The following GABRB2 variants were observed in gnomAD, a reference collection of about 807,000 sequenced individuals.
GABRB2 encodes the protein gamma-aminobutyric acid receptor subunit beta-2.
Under a neutral mutation model 54.7 loss-of-function variants are expected in GABRB2, and 16 were observed. The observed-to-expected ratio is 0.29, with a 90% CI of 0.20 to 0.44. The LOEUF (loss-of-function observed/expected upper bound fraction) is 0.44. GABRB2 is among the 20% of genes least tolerant of loss of function. The pLI is 1.00. For missense variants in GABRB2, 355 were observed against 644.0 expected (o/e 0.55, Z 4.86); for synonymous variants, 244 against 233.8 (o/e 1.04, Z -0.40).
rs148763924 is a variant in GABRB2, at chr5:161,386,921, C to T, written c.541+24054G>A. 3.6e-4 allele frequency among the ~76,000 whole-genome samples: 55 copies of T among 151,726 alleles called. No homozygotes were observed. The East Asian group carries it at 9.9e-3, about 27-fold the overall frequency. ...AGGCAAGAAGACTAGCTGACTTGACCGCGTAAAAATGTATAGTGTACTTGG... is the reference window on the plus strand; with the variant it reads ...AGGCAAGAAGACTAGCTGACTTGACTGCGTAAAAATGTATAGTGTACTTGG... On this transcript the variant is annotated intron_variant, in intron 5 of 9. Transcript: ENST00000393959.
chr5:161,492,314 C>T (rs979980095), intron 3 of GABRB2, among the ~76,000 whole-genome samples: 1 of 151,618 alleles, frequency 6.6e-6, no homozygotes, highest in Non-Finnish European at 1.5e-5. Flanking sequence ...TTTATCTAAT[C>T]ACATTGAATC....
At position 161,546,189 on chromosome 5, in the gene GABRB2, T is replaced by TGGTA. The variant is rs1561689511; in HGVS notation, c.169+132_169+133insTACC. 8.6e-6 allele frequency: 6 copies of TGGTA among 697,200 alleles called. No homozygotes were observed. The African/African-American group carries it at 1.1e-4, about 12-fold the overall frequency. The allele number at this position is 697,200 out of a possible 1,614,324, so 43.2% of individuals were successfully genotyped here. On this transcript the variant is annotated intron_variant, in intron 2 of 9. Coordinates refer to ENST00000393959, the MANE Select transcript of GABRB2 (RefSeq NM_001371727.1). ...TCCAGCTTAAGTTTTGATCAGTTTCTCAATATGGTAAAATAGAGACACATT... is the reference window on the plus strand; with the variant it reads ...TCCAGCTTAAGTTTTGATCAGTTTCTGGTACAATATGGTAAAATAGAGACACATT...
chr5:161,393,903 T>C (rs1418260313), intron 5 of GABRB2, among the ~76,000 whole-genome samples: 1 of 152,128 alleles, frequency 6.6e-6, no homozygotes, highest in East Asian at 1.9e-4. Context: ...TTTGATCTAA[T>C]TGTCACATTT....
chr5:161,456,270 T>C (rs956482952), intron 4 of GABRB2, among the ~76,000 whole-genome samples: 1 of 152,186 alleles, frequency 6.6e-6, no homozygotes, highest in Non-Finnish European at 1.5e-5. Context: ...TACAAAGATC[T>C]TGCCTGTGCC....
chr5:161,358,983 AG>A (rs1359703395), intron 5 of GABRB2, among the ~76,000 whole-genome samples: 1 of 152,160 alleles, frequency 6.6e-6, no homozygotes, highest in African/African-American at 2.4e-5. Context: ...ACATCCAAAA[AG>A]CCTTGACCAG....
intron 5 of GABRB2, among the ~76,000 whole-genome samples, chr5:161,385,703 T>A (rs1198347343): frequency 6.6e-6 from 1 of 152,158 alleles, no homozygotes; most frequent in Non-Finnish European, 1.5e-5. Flanking sequence ...GACACAAACA[T>A]GATCCCTGCT....
chr5:161,460,419 T>C (rs1375357601), intron 3 of GABRB2, among the ~76,000 whole-genome samples: 1 of 152,180 alleles, frequency 6.6e-6, no homozygotes, highest in Non-Finnish European at 1.5e-5. Flanking sequence ...GCACTATGAA[T>C]ACAGAAGTGA....
At chr5:161,311,020 A>G (rs1437174512) in intron 9 of GABRB2, among the ~76,000 whole-genome samples, 2 of 152,232 alleles carry the variant, frequency 1.3e-5, no homozygotes, top group Admixed American at 1.3e-4. Context: ...TCGGCCTCCC[A>G]AAGTGCTGGG....
intron 3 of GABRB2, among the ~76,000 whole-genome samples, chr5:161,540,193 G>A (rs542862677): frequency 2.0e-5 from 3 of 152,306 alleles, no homozygotes; most frequent in South Asian, 2.1e-4. Flanking sequence ...TCTGGCTGCC[G>A]CTTTATCAAC....
chr5:161,338,573 A>G (rs2113411470), intron 5 of GABRB2, among the ~76,000 whole-genome samples: 1 of 152,184 alleles, frequency 6.6e-6, no homozygotes, highest in Non-Finnish European at 1.5e-5. Context: ...GGATCACTTG[A>G]GGCCAGGAGT....
intron 9 of GABRB2, among the ~76,000 whole-genome samples, chr5:161,298,253 T>G (rs540526098): frequency 6.8e-4 from 103 of 152,354 alleles, no homozygotes; most frequent in African/African-American, 2.4e-3. Flanking sequence ...TGATCATTTC[T>G]TTTGCTGTGC....
intron 9 of GABRB2, among the ~76,000 whole-genome samples, chr5:161,301,940 C>T (rs1757553438): frequency 6.6e-6 from 1 of 152,218 alleles, no homozygotes; most frequent in Non-Finnish European, 1.5e-5. Flanking sequence ...CTCCTGCTTC[C>T]AATTCAACTA....
chr5:161,464,921 T>A (rs1758233246), intron 3 of GABRB2, among the ~76,000 whole-genome samples: 1 of 152,088 alleles, frequency 6.6e-6, no homozygotes, highest in East Asian at 1.9e-4. Context: ...AGGGCAAGCA[T>A]GAGAGACTGA....
At chr5:161,491,155 G>T (rs1047164196) in intron 3 of GABRB2, among the ~76,000 whole-genome samples, 2 of 151,596 alleles carry the variant, frequency 1.3e-5, no homozygotes, top group African/African-American at 2.4e-5. Context: ...TCACAAAAAG[G>T]TCAGAAAAAT....
chr5:161,471,404 G>T (rs1758434770), intron 3 of GABRB2, among the ~76,000 whole-genome samples: 2 of 151,902 alleles, frequency 1.3e-5, no homozygotes, highest in Non-Finnish European at 2.9e-5. Context: ...TTAATAGAAG[G>T]CATCACGCCA....
In GABRB2 at chr5:161,449,924, A is replaced by G. The variant is rs550303402; in HGVS notation, c.458+9700T>C. On this transcript the variant is annotated intron_variant, in intron 4 of 9. Transcript: ENST00000393959. ...TGACTCAGAAGGTTCACTCCTAATGAAATCAGGAACATGCAAGTACTACCT... is the reference window on the plus strand; with the variant it reads ...TGACTCAGAAGGTTCACTCCTAATGGAATCAGGAACATGCAAGTACTACCT... Among the ~76,000 whole-genome samples the G allele has an allele frequency of 5.9e-5, 9 of 152,284 alleles. No individual in the cohort carries two copies. The South Asian group carries it at 1.9e-3, about 32-fold the overall frequency.
intron 4 of GABRB2, among the ~76,000 whole-genome samples, chr5:161,416,695 T>TAAAAAAAAAAA: frequency 1.6e-4 from 1 of 6,314 alleles, no homozygotes; most frequent in Non-Finnish European, 3.7e-4. Flanking sequence ...AGACTCCGTC[T>TAAAAAAAAAAA]CAAAAAAAAA....
chr5:161,529,678 C>T (rs1270656404), intron 3 of GABRB2, among the ~76,000 whole-genome samples: 1 of 151,974 alleles, frequency 6.6e-6, no homozygotes, highest in African/African-American at 2.4e-5. Flanking sequence ...AGTAGTGTTA[C>T]TAGTCGTAAT....
rs1757154291 is a variant in GABRB2 at position 161,288,789 on chromosome 5, G to T, written c.*5292C>A. ...ATATCACTTTTTTTTTTTATAAAAGGACAATTTAGAACTGTGCAGGGACAA... is the reference window on the plus strand; with the variant it reads ...ATATCACTTTTTTTTTTTATAAAAGTACAATTTAGAACTGTGCAGGGACAA... On this transcript the variant is annotated 3_prime_UTR_variant, in exon 10 of 10. Coordinates refer to ENST00000393959, the MANE Select transcript of GABRB2 (RefSeq NM_001371727.1). 1 of 151,790 alleles carries T rather than the reference G, an allele frequency of 6.6e-6. No homozygotes were observed. The highest frequency in any genetic ancestry group is 1.5e-5 in the Non-Finnish European group (1 of 67,954). The allele number at this position is 151,790 out of a possible 1,614,324, so 9.4% of individuals were successfully genotyped here. A position where few individuals can be genotyped will look rare whatever the true frequency, so the allele number is the denominator to read the frequency against.
Sources: allele counts gnomAD v4.1 joint callset (sites outside exome capture counted in the v4.1 genomes callset), GRCh38; gene constraint gnomAD v4.1.1; transcripts MANE v1.5; gene names NCBI Gene and HGNC (gene_info 2026-07-23, HGNC 2026-07-21).